Variants in PTPRN2 observed in about 807,000 individuals in gnomAD.
PTPRN2 encodes the protein receptor-type tyrosine-protein phosphatase N2.
A neutral mutation model predicts 118.8 loss-of-function variants in PTPRN2; 74 were observed. The ratio of observed to expected loss-of-function variants is 0.62; its 90% CI spans 0.52 to 0.76. The LOEUF is 0.76. PTPRN2 is among the 30% of genes least tolerant of loss of function. PTPRN2 has a pLI of 0.00. For synonymous variants in PTPRN2, 641 were observed against 608.0 expected (o/e 1.05, Z -0.80); for missense variants, 1,481 against 1,394.4 (o/e 1.06, Z -0.99).
At chr7:158,290,371 G>C (rs1347964628) in intron 3 of PTPRN2, among the ~76,000 whole-genome samples, 3 of 152,064 alleles carry the variant, frequency 2.0e-5, no homozygotes, top group African/African-American at 7.2e-5. Flanking sequence ...TAACCATGGA[G>C]CTGCAGGGCC....
chr7:158,225,074 G>A (rs987912223), intron 3 of PTPRN2, among the ~76,000 whole-genome samples: 2 of 151,694 alleles, frequency 1.3e-5, no homozygotes, highest in Admixed American at 1.3e-4. Flanking sequence ...ATCAAATGCT[G>A]GAAAGGATTT....
intron 6 of PTPRN2, among the ~76,000 whole-genome samples, chr7:158,147,869 A>G (rs1820345225): frequency 8.0e-6 from 1 of 125,450 alleles, no homozygotes; most frequent in African/African-American, 3.1e-5. Flanking sequence ...CCCTTCAATG[A>G]CACCCCATCT....
rs184868333 is a variant in PTPRN2 at position 158,273,546 on chromosome 7, G to A, written c.277+43273C>T. 3.0e-4 allele frequency among the ~76,000 whole-genome samples: 20 copies of A among 67,152 alleles called. 1 individual carries two copies. The highest frequency in any genetic ancestry group is 1.4e-3 in the African/African-American group (17 of 12,334). The allele number at this position is 67,152 out of a possible 152,430, so 44.1% of individuals were successfully genotyped here. A position where few individuals can be genotyped will look rare whatever the true frequency, so the allele number is the denominator to read the frequency against. On this transcript the variant is annotated intron_variant, in intron 3 of 22. Coordinates refer to ENST00000389418, the MANE Select transcript of PTPRN2 (RefSeq NM_002847.5). ...GGAGGAGCCGCAGACACGGGGAGCC[G>A]CAGACACAGGGGGAGCCGCAGGCAC...
In PTPRN2 at chr7:158,369,242, C is replaced by T. The variant is rs1809765192; in HGVS notation, c.164-52310G>A. Among the ~76,000 whole-genome samples, 15 of 77,046 alleles carry T rather than the reference C, an allele frequency of 1.9e-4. No homozygotes were observed. In the South Asian group the frequency reaches 7.9e-3, roughly 41 times the overall value. The allele number at this position is 77,046 out of a possible 152,430, so 50.5% of individuals were successfully genotyped here. ...ATCATGTGAGTTAATACTTAGTAAA[C>T]TCCCCTTTATATATATATACACACA... is the stretch of plus-strand genomic sequence containing the variant. On this transcript the variant is annotated intron_variant, in intron 2 of 22. Transcript: ENST00000389418.
chr7:157,576,768 G>C lies in PTPRN2; in HGVS notation c.2628C>G (p.Val876=), dbSNP rs527416323. The part of the protein sequence containing the change: ...NLYHIYEVNL[V]SEHIWCEDFL... Reference sequence around the variant, plus strand: ...AGTCCTCACACCAGATGTGCTCGGAGACCAGGTTCACCTGGCAGGGAGGAG... The same window carrying C: ...AGTCCTCACACCAGATGTGCTCGGACACCAGGTTCACCTGGCAGGGAGGAG... Residue 876 remains valine, a synonymous_variant, in exon 19 of 23, where the codon GTC becomes GTG. Transcript: ENST00000389418. The C allele has an allele frequency of 3.3e-5, 53 of 1,603,448 alleles. No homozygotes were observed. In the South Asian group the frequency reaches 5.8e-4, roughly 18 times the overall value.
chr7:158,041,602 C>A (rs1329837117), intron 11 of PTPRN2, among the ~76,000 whole-genome samples: 1 of 152,126 alleles, frequency 6.6e-6, no homozygotes, highest in East Asian at 1.9e-4. Flanking sequence ...CTTGCCACTG[C>A]ACTCCAGCCT....
chr7:157,916,775 C>T lies in PTPRN2; in HGVS notation c.1724-18038G>A, dbSNP rs567687822. The stretch of plus-strand genomic sequence containing the variant: ...CACGCACCCCGGCCACTCCGGGACA[C>T]GTCCAACACACGTCCCCCTCCCCAG... On this transcript the variant is annotated intron_variant, in intron 11 of 22. Coordinates refer to ENST00000389418, the MANE Select transcript of PTPRN2 (RefSeq NM_002847.5). Among the ~76,000 whole-genome samples the T allele has an allele frequency of 5.4e-3, 800 of 146,944 alleles. 1 individual carries two copies. Among genetic ancestry groups the T allele is most frequent in the African/African-American group, 0.02 (767 of 39,270 alleles).
intron 5 of PTPRN2, among the ~76,000 whole-genome samples, chr7:158,191,027 C>A (rs1825721930): frequency 6.6e-6 from 1 of 152,230 alleles, no homozygotes; most frequent in East Asian, 1.9e-4. Flanking sequence ...CCTTGTGGGG[C>A]CAACTTCTGT....
intron 6 of PTPRN2, among the ~76,000 whole-genome samples, chr7:158,151,505 T>A (rs1821135694): frequency 2.0e-5 from 3 of 149,388 alleles, no homozygotes; most frequent in Non-Finnish European, 3.0e-5. Context: ...CCGCCCGCCT[T>A]TCTGCTCCTC....
chr7:157,798,559 G>A (rs1291745710), intron 12 of PTPRN2, among the ~76,000 whole-genome samples: 7 of 151,806 alleles, frequency 4.6e-5, no homozygotes, highest in East Asian at 1.9e-4. Flanking sequence ...ACACACACAC[G>A]TCGCTTCTGG....
At position 157,725,764 on chromosome 7, in the gene PTPRN2, G is replaced by A. The variant is rs866176271; in HGVS notation, c.1789-42827C>T. ...TCCCAGGAGAACTGGATATCCACAC[G>A]CAGAGGACTGCGGCCAGACCCTCAC... On this transcript the variant is annotated intron_variant, in intron 12 of 22. Transcript: ENST00000389418. Among the ~76,000 whole-genome samples, 50 of 85,774 alleles carry A rather than the reference G, an allele frequency of 5.8e-4. 1 individual carries two copies. The highest frequency in any genetic ancestry group is 2.9e-3 in the African/African-American group (44 of 15,210). 56.3% of individuals were successfully genotyped at this position (85,774 alleles called of 152,430 possible). A position where few individuals can be genotyped will look rare whatever the true frequency, so the allele number is the denominator to read the frequency against.
At chr7:157,612,406 G>A (rs572378166) in intron 15 of PTPRN2, among the ~76,000 whole-genome samples, 3 of 152,326 alleles carry the variant, frequency 2.0e-5, no homozygotes, top group Admixed American at 6.5e-5. Context: ...GTGTGGCGGC[G>A]GCAAGACAGA....
At chr7:157,732,194 G>A (rs9801031) in intron 12 of PTPRN2, among the ~76,000 whole-genome samples, 10 of 80,998 alleles carry the variant, frequency 1.2e-4, no homozygotes, top group East Asian at 8.2e-4. Context: ...ACCCTTTTCC[G>A]CCCCACGCGC....
chr7:158,210,604 A>G (rs1827524191), intron 3 of PTPRN2, among the ~76,000 whole-genome samples: 1 of 142,344 alleles, frequency 7.0e-6, no homozygotes, highest in South Asian at 2.1e-4. Context: ...AAAAGACCCA[A>G]ATAAATAAAA....
chr7:158,318,087 C>T (rs1346955336), intron 2 of PTPRN2, among the ~76,000 whole-genome samples: 1 of 152,060 alleles, frequency 6.6e-6, no homozygotes, highest in East Asian at 1.9e-4. Context: ...AGAGCCGGCC[C>T]GAGATGCCTG....
chr7:158,397,647 T>A (rs532280482), intron 2 of PTPRN2, among the ~76,000 whole-genome samples: 213 of 151,936 alleles, frequency 1.4e-3, no homozygotes, highest in Non-Finnish European at 7.7e-4. Flanking sequence ...TGCCACTCCC[T>A]CCCCACCCCC....
chr7:158,232,647 G>A (rs1563632273), intron 3 of PTPRN2, among the ~76,000 whole-genome samples: 1 of 151,598 alleles, frequency 6.6e-6, no homozygotes, highest in Non-Finnish European at 1.5e-5. Flanking sequence ...AAAAAAAAAG[G>A]AGGACTATAG....
intron 1 of PTPRN2, among the ~76,000 whole-genome samples, chr7:158,557,303 GGCAGGTCGCTCCCGC>G (rs1827100859): frequency 7.6e-6 from 1 of 131,688 alleles, no homozygotes; most frequent in South Asian, 2.5e-4. Context: ...GTCGCTCCTG[GGCAGGTCGCTCCCGC>G]GCAGGGCAGG....
chr7:158,081,404 C>G, intron 10 of PTPRN2, 27 bp from the exon 11 acceptor site: 2 of 1,604,314 alleles, frequency 1.2e-6, no homozygotes, highest in Non-Finnish European at 1.7e-6. Context: ...AAAATAAGTT[C>G]ATAACGAAGT....
Sources: gnomAD v4.1 joint callset for allele counts (sites outside exome capture counted in the v4.1 genomes callset) on GRCh38, gnomAD v4.1.1 for gene constraint, MANE v1.5 for transcripts, NCBI Gene and HGNC (gene_info 2026-07-23, HGNC 2026-07-21) for gene names.